FHIT: variants seen among roughly 807,000 people sequenced by gnomAD.
FHIT encodes the protein fragile histidine triad diadenosine triphosphatase.
In FHIT, 19 loss-of-function variants were observed where a neutral mutation model predicts 17.9. The ratio of observed to expected loss-of-function variants is 1.06; its 90% CI spans 0.74 to 1.56. FHIT has a LOEUF of 1.56. Ranked by LOEUF, FHIT falls within the 40% of genes most tolerant of loss-of-function variation. The pLI is 0.00. For missense variants in FHIT, 248 were observed against 189.2 expected (o/e 1.31, Z -1.82); for synonymous variants, 81 against 69.7 (o/e 1.16, Z -0.81).
At chr3:60,860,548 C>CATATGTATCATATATACATGATAT (rs1703695635) in intron 3 of FHIT, among the ~76,000 whole-genome samples, 1 of 16,660 alleles carries the variant, frequency 6.0e-5, no homozygotes, top group Non-Finnish European at 2.3e-4. Flanking sequence ...ATATATGATA[C>CATATGTATCATATATACATGATAT]ATATGTATCA....
chr3:60,453,110 G>A (rs985649232), intron 5 of FHIT, among the ~76,000 whole-genome samples: 8 of 151,938 alleles, frequency 5.3e-5, no homozygotes, highest in Non-Finnish European at 1.0e-4. Context: ...GCTCTTTTAT[G>A]AGCCAAATTA....
At chr3:59,968,283 A>G (rs1415259435) in intron 7 of FHIT, among the ~76,000 whole-genome samples, 4 of 152,116 alleles carry the variant, frequency 2.6e-5, no homozygotes, top group Non-Finnish European at 5.9e-5. Context: ...CAGTTTCGAT[A>G]TGATTTCACA....
intron 5 of FHIT, among the ~76,000 whole-genome samples, chr3:60,087,358 AT>A (rs981606402): frequency 1.2e-4 from 18 of 152,262 alleles, no homozygotes; most frequent in African/African-American, 4.3e-4. Flanking sequence ...CTCCATTTTA[AT>A]CATGCTAATC....
At chr3:60,711,644 C>T (rs1473945657) in intron 4 of FHIT, among the ~76,000 whole-genome samples, 1 of 152,064 alleles carries the variant, frequency 6.6e-6, no homozygotes, top group East Asian at 1.9e-4. Flanking sequence ...GCCTCAGGAG[C>T]CAATGTGATC....
chr3:61,023,666 A>C (rs2107652011), intron 3 of FHIT, among the ~76,000 whole-genome samples: 1 of 152,308 alleles, frequency 6.6e-6, no homozygotes, highest in South Asian at 2.1e-4. Context: ...GACCAATGAA[A>C]CAGAACAGAG....
chr3:59,934,401 C>T (rs1385811), intron 7 of FHIT, among the ~76,000 whole-genome samples: 150,360 of 152,206 alleles, frequency 0.99, 74,297 homozygotes, highest in Middle Eastern at 1. Context: ...AACCTTATGA[C>T]AGTAAGCTCT....
At chr3:60,218,932 G>A (rs1027284754) in intron 5 of FHIT, among the ~76,000 whole-genome samples, 4 of 151,906 alleles carry the variant, frequency 2.6e-5, no homozygotes, top group Non-Finnish European at 5.9e-5. Flanking sequence ...TCTAAACAAA[G>A]GTAAGGGCCA....
chr3:60,622,828 C>T (rs1169491737), intron 4 of FHIT, among the ~76,000 whole-genome samples: 1 of 152,182 alleles, frequency 6.6e-6, no homozygotes, highest in Non-Finnish European at 1.5e-5. Context: ...AAGACCTTGT[C>T]CTTCATCAGT....
chr3:60,193,026 G>A (rs1260093731), intron 5 of FHIT, among the ~76,000 whole-genome samples: 1 of 152,146 alleles, frequency 6.6e-6, no homozygotes, highest in East Asian at 1.9e-4. Flanking sequence ...CTAAAGGGAT[G>A]ACATTTTGCT....
chr3:59,806,086 C>T (rs1209964781), intron 8 of FHIT, among the ~76,000 whole-genome samples: 3 of 151,382 alleles, frequency 2.0e-5, no homozygotes, highest in Non-Finnish European at 2.9e-5. Context: ...GAGGCTGAGG[C>T]AGGAGAATGG....
At chr3:60,030,190 G>C (rs537924628) in intron 5 of FHIT, among the ~76,000 whole-genome samples, 1 of 152,226 alleles carries the variant, frequency 6.6e-6, no homozygotes, top group East Asian at 1.9e-4. Context: ...TATGACTGAA[G>C]GGAGATTACA....
chr3:59,786,061 G>A (rs1429738970), intron 8 of FHIT, among the ~76,000 whole-genome samples: 1 of 152,176 alleles, frequency 6.6e-6, no homozygotes. Flanking sequence ...AAGACACCAG[G>A]TAAATATATC....
At chr3:60,525,465 T>A (rs1402617826) in intron 5 of FHIT, among the ~76,000 whole-genome samples, 2 of 152,128 alleles carry the variant, frequency 1.3e-5, no homozygotes, top group Non-Finnish European at 2.9e-5. Flanking sequence ...ATTTATGTCA[T>A]CTCTTTGTGT....
At chr3:61,123,911 G>C (rs2036534926) in intron 2 of FHIT, among the ~76,000 whole-genome samples, 1 of 152,078 alleles carries the variant, frequency 6.6e-6, no homozygotes, top group East Asian at 1.9e-4. Context: ...CTTGAGCCCA[G>C]GAAAAGAAAA....
chr3:59,839,103 G>A (rs1430398129), intron 8 of FHIT, among the ~76,000 whole-genome samples: 1 of 152,040 alleles, frequency 6.6e-6, no homozygotes, highest in African/African-American at 2.4e-5. Flanking sequence ...GATCACTTGA[G>A]GTCAGGAATT....
intron 7 of FHIT, among the ~76,000 whole-genome samples, chr3:59,983,796 C>A (rs1156269174): frequency 6.6e-6 from 1 of 151,944 alleles, no homozygotes; most frequent in Non-Finnish European, 1.5e-5. Context: ...CCAGAAAATC[C>A]CTATATTAGC....
intron 2 of FHIT, among the ~76,000 whole-genome samples, chr3:61,167,963 T>C (rs1443277399): frequency 6.6e-6 from 1 of 152,134 alleles, no homozygotes; most frequent in East Asian, 1.9e-4. Context: ...AAAAATCTGA[T>C]CTATATCCAG....
intron 4 of FHIT, among the ~76,000 whole-genome samples, chr3:60,671,225 A>C (rs942432322): frequency 2.0e-5 from 3 of 152,180 alleles, no homozygotes; most frequent in Non-Finnish European, 2.9e-5. Flanking sequence ...TTTACTCACA[A>C]AACCATGTTT....
At chr3:60,468,709 T>C (rs138656498) in intron 5 of FHIT, among the ~76,000 whole-genome samples, 15 of 152,276 alleles carry the variant, frequency 9.9e-5, no homozygotes, top group Non-Finnish European at 1.6e-4. Flanking sequence ...ATATGAGTAG[T>C]TTACATACTA....
Sources: gnomAD v4.1 joint callset for allele counts (sites outside exome capture counted in the v4.1 genomes callset) on GRCh38, gnomAD v4.1.1 for gene constraint, MANE v1.5 for transcripts, NCBI Gene and HGNC (gene_info 2026-07-23, HGNC 2026-07-21) for gene names.